The following TGFB1 variants were observed in gnomAD, a reference collection of about 807,000 sequenced individuals.
TGFB1 encodes transforming growth factor beta-1 proprotein.
TGFB1 carries 19 observed loss-of-function variants against 43.8 expected under a neutral mutation model. That is an observed-to-expected ratio of 0.43 (90% CI 0.30 to 0.64). The LOEUF (loss-of-function observed/expected upper bound fraction) is 0.64. TGFB1 is among the 30% of genes least tolerant of loss of function. TGFB1 has a pLI of 0.11. For missense variants in TGFB1, 445 were observed against 529.8 expected, an observed-to-expected ratio of 0.84 and a Z score of 1.57; for synonymous variants, 221 against 236.3, an observed-to-expected ratio of 0.94 and a Z score of 0.60.
At chr19:41,335,343 C>T (rs1453586175) in intron 5 of TGFB1, among the ~76,000 whole-genome samples, 1 of 152,078 alleles carries the variant, frequency 6.6e-6, no homozygotes, top group East Asian at 1.9e-4. Context: ...CATGAGCCAC[C>T]GCACCCGGCT....
In TGFB1 at chr19:41,353,007, AGCAGCAGCG is replaced by A. The variant is rs1286308480; in HGVS notation, c.29_37del (p.Pro10_Leu12del). 1.3e-6 allele frequency: 2 copies of A among 1,533,918 alleles called. No individual in the cohort carries two copies. The highest frequency in any genetic ancestry group is 2.0e-5 in the Admixed American group (1 of 50,740). On this transcript the variant is annotated inframe_deletion, in exon 1 of 7. Coordinates refer to ENST00000221930, the MANE Select transcript of TGFB1 (RefSeq NM_000660.7). The surrounding 1 kb of genome is among the most constrained non-coding windows in gnomAD (Gnocchi z 5.9). Reference sequence around the variant, plus strand: ...CAGCACCAGTAGCCACAGCAGCGGTAGCAGCAGCGGCAGCAGCCGCAGCCCGGAGGGCGG... The same window carrying A: ...CAGCACCAGTAGCCACAGCAGCGGTAGCAGCAGCCGCAGCCCGGAGGGCGG...
rs202063963 is a variant in TGFB1 at position 41,344,721 on chromosome 19, G to C, written c.634+26C>G. The C allele has an allele frequency of 1.7e-5, 27 of 1,601,698 alleles. No individual in the cohort carries two copies. In the South Asian group the frequency reaches 3.0e-4, roughly 18 times the overall value. ...TGGGGTGGACCCCAGGGAGAAACAG[G>C]GGTGGGACACACAAGTAATCCTCAC... On this transcript the variant is annotated intron_variant, in intron 3 of 6. Coordinates refer to ENST00000221930, the MANE Select transcript of TGFB1 (RefSeq NM_000660.7).
chr19:41,348,453 T>G lies in TGFB1; in HGVS notation c.358A>C (p.Ile120Leu). ...RVLMVETHNE[I>L]YDKFKQSTHS... ...GTACTCTGCTTGAACTTGTCATAGATTTCTAGCAGGGAGAAATGAAGGGAG... is the reference window on the plus strand; with the variant it reads ...GTACTCTGCTTGAACTTGTCATAGAGTTCTAGCAGGGAGAAATGAAGGGAG... Residue 120 changes from isoleucine (I) to leucine (L), a missense_variant and splice_region_variant, in exon 2 of 7, where the codon ATC becomes CTC. This residue lies in a region of TGFB1 where 366 missense variants were observed against 428.8 expected (regional missense o/e 0.85). Transcript: ENST00000221930. The G allele has an allele frequency of 6.2e-7, 1 of 1,612,818 alleles. No individual in the cohort carries two copies. The highest frequency in any genetic ancestry group is 8.5e-7 in the Non-Finnish European group (1 of 1,179,382).
At chr19:41,338,929 G>A (rs185273413) in intron 5 of TGFB1, among the ~76,000 whole-genome samples, 12 of 152,034 alleles carry the variant, frequency 7.9e-5, no homozygotes, top group African/African-American at 2.7e-4. Context: ...TTTTTGGGGA[G>A]TCAAAACTTG....
Position 41,348,284 on chromosome 19 carries a change from C to T in TGFB1, c.516+11G>A. The T allele has an allele frequency of 6.2e-7, 1 of 1,612,088 alleles. No homozygotes were observed. Among genetic ancestry groups the T allele is most frequent in the Non-Finnish European group, 8.5e-7 (1 of 1,179,510 alleles). On this transcript the variant is annotated intron_variant, in intron 2 of 6. Transcript: ENST00000221930. ...CCATGCCCTGACCTTCCTTCTGGCT[C>T]ATGTCCTCACCTGGTACAGCTCCAC...
intron 2 of TGFB1, among the ~76,000 whole-genome samples, 166 bp from the exon 3 acceptor site, chr19:41,345,030 C>T (rs1389030352): frequency 1.3e-5 from 2 of 152,174 alleles, no homozygotes; most frequent in South Asian, 4.1e-4. Flanking sequence ...GGCACCCATC[C>T]TCCCCAACAG....
intron 5 of TGFB1, among the ~76,000 whole-genome samples, chr19:41,332,939 A>G (rs1394674107): frequency 6.6e-6 from 1 of 152,022 alleles, no homozygotes. Flanking sequence ...CATGCTATAA[A>G]TTGTCTTGTC....
At chr19:41,333,653 C>G (rs2037959723) in intron 5 of TGFB1, among the ~76,000 whole-genome samples, 1 of 152,222 alleles carries the variant, frequency 6.6e-6, no homozygotes, top group African/African-American at 2.4e-5. Flanking sequence ...GCCACCACAC[C>G]TGGCCCCTTC....
At chr19:41,342,065 T>TAC (rs760991789) in intron 4 of TGFB1, 35 bp from the exon 5 acceptor site, 4 of 1,613,896 alleles carry the variant, frequency 2.5e-6, no homozygotes, top group Non-Finnish European at 3.4e-6. Flanking sequence ...ATAGGGGACA[T>TAC]ACACACACAC....
At chr19:41,345,454 G>A (rs573210442) in intron 2 of TGFB1, among the ~76,000 whole-genome samples, 6 of 151,874 alleles carry the variant, frequency 4.0e-5, no homozygotes, top group Non-Finnish European at 4.4e-5. Flanking sequence ...CCAAGATCAC[G>A]CCACTGCACT....
At chr19:41,331,363 C>A (rs1266431859) in intron 6 of TGFB1, among the ~76,000 whole-genome samples, 153 bp from the exon 7 acceptor site, 1 of 152,052 alleles carries the variant, frequency 6.6e-6, no homozygotes, top group Non-Finnish European at 1.5e-5. Flanking sequence ...TCTCTCTTAT[C>A]TTCTAACATC....
rs112843512 is a variant in TGFB1 at position 41,338,191 on chromosome 19, C to CAAA, written c.860+3689_860+3691dup. ...TGGGTGACACAGCTAGACTCTGTCT[C>CAAA]AAAAAAAAAAACAAAGAATACGGCC... On this transcript the variant is annotated intron_variant, in intron 5 of 6. Transcript: ENST00000221930. 7.2e-3 allele frequency among the ~76,000 whole-genome samples: 978 copies of CAAA among 135,868 alleles called. 10 individuals carry two copies. Among genetic ancestry groups the CAAA allele is most frequent in the Non-Finnish European group, 0.012 (778 of 63,188 alleles). The allele number at this position is 135,868 out of a possible 152,430, so 89.1% of individuals were successfully genotyped here. A position where few individuals can be genotyped will look rare whatever the true frequency, so the allele number is the denominator to read the frequency against.
At chr19:41,334,375 TGAAAA>T (rs897256193) in intron 5 of TGFB1, among the ~76,000 whole-genome samples, 27 of 150,030 alleles carry the variant, frequency 1.8e-4, no homozygotes, top group African/African-American at 6.4e-4. Context: ...GACTCTGTCT[TGAAAA>T]GAAAAGAAAA....
At position 41,331,011 on chromosome 19, in the gene TGFB1, G is replaced by T; in HGVS notation, c.*41C>A. The T allele has an allele frequency of 6.8e-7, 1 of 1,479,050 alleles. No individual in the cohort carries two copies. Among genetic ancestry groups the T allele is most frequent in the African/African-American group, 1.4e-5 (1 of 69,420 alleles). 91.6% of individuals were successfully genotyped at this position (1,479,050 alleles called of 1,614,324 possible). On this transcript the variant is annotated 3_prime_UTR_variant, in exon 7 of 7. Transcript: ENST00000221930. ...CAAGGCAGCGGGGGCGGGGCGGGGT[G>T]GGGCCGGGCCTGCCGGGGCGGGGCG...
rs759113717 is a variant in TGFB1, at chr19:41,353,032, C to T, written c.13G>A (p.Gly5Arg). 3 of 1,529,360 alleles carry T rather than the reference C, an allele frequency of 2.0e-6. No homozygotes were observed. Among genetic ancestry groups the T allele is most frequent in the Admixed American group, 2.0e-5 (1 of 50,526 alleles). 94.7% of individuals were successfully genotyped at this position (1,529,360 alleles called of 1,614,324 possible). Reference protein sequence around the residue: MPPSGLRLLPLLLPL... With the variant: MPPSRLRLLPLLLPL... ...AGCAGCAGCGGCAGCAGCCGCAGCC[C>T]GGAGGGCGGCATGGGGGAGGCGGCG... The change falls in exon 1 of 7, where the codon GGG (glycine) becomes AGG (arginine). Residue 5 changes from glycine to arginine, a missense_variant. By Grantham distance (125) the Gly-to-Arg change is moderately radical (BLOSUM62 -2). Transcript: ENST00000221930. This position sits in a 1 kb window ranked among gnomAD's most constrained non-coding sequence, Gnocchi z 5.9.
chr19:41,346,020 C>T (rs962007109), intron 2 of TGFB1, among the ~76,000 whole-genome samples: 6 of 151,910 alleles, frequency 3.9e-5, no homozygotes, highest in Non-Finnish European at 8.8e-5. Flanking sequence ...TCTGCCATGC[C>T]GCACCTAGAT....
chr19:41,343,477 T>C (rs1599889859), intron 3 of TGFB1, among the ~76,000 whole-genome samples: 1 of 152,122 alleles, frequency 6.6e-6, no homozygotes, highest in Admixed American at 6.6e-5. Context: ...CTATTTATCC[T>C]GTGAGTCTCC....
intron 5 of TGFB1, among the ~76,000 whole-genome samples, chr19:41,339,408 C>T (rs11466344): frequency 0.17 from 25,080 of 151,892 alleles, 2,357 homozygotes; most frequent in Non-Finnish European, 0.21. Context: ...CATGAGCCAC[C>T]GCACCTGGCC....
chr19:41,340,683 C>A (rs923102899), intron 5 of TGFB1, among the ~76,000 whole-genome samples: 12 of 152,148 alleles, frequency 7.9e-5, no homozygotes, highest in African/African-American at 2.4e-4. Context: ...TTCTCCAACT[C>A]CAACATTTGT....
Sources: gnomAD v4.1 joint callset for allele counts (sites outside exome capture counted in the v4.1 genomes callset) on GRCh38, gnomAD v4.1.1 for gene constraint, gnomAD v4.1.1 regional missense constraint, Gnocchi (gnomAD v3.1) non-coding constraint, MANE v1.5 for transcripts, NCBI Gene and HGNC (gene_info 2026-07-23, HGNC 2026-07-21) for gene names.